HAPLN1: variants seen among roughly 807,000 people sequenced by gnomAD.
The protein encoded by HAPLN1 is hyaluronan and proteoglycan link protein 1, also known as Cartilage link protein.
Under a neutral mutation model 36.5 loss-of-function variants are expected in HAPLN1, and 13 were observed. The ratio of observed to expected loss-of-function variants is 0.36; its 90% confidence interval spans 0.23 to 0.57. The LOEUF (loss-of-function observed/expected upper bound fraction) is 0.57, where lower values mean the gene tolerates loss of function less well. Among genes scored for constraint, HAPLN1 ranks in the 20% least tolerant of loss-of-function variants. HAPLN1 has a pLI of 0.83. For synonymous variants in HAPLN1, 202 were observed against 169.8 expected, an observed-to-expected ratio of 1.19 and a Z score of -1.48; for missense variants, 407 against 439.7, an observed-to-expected ratio of 0.93 and a Z score of 0.66.
intron 1 of HAPLN1, among the ~76,000 whole-genome samples, chr5:83,713,395 G>C (rs1310902076): frequency 2.6e-5 from 4 of 152,154 alleles, no homozygotes; most frequent in Admixed American, 2.6e-4. Flanking sequence ...GATATTTATA[G>C]TTAATAAAAT....
chr5:83,669,328 G>A (rs575510024), intron 2 of HAPLN1, among the ~76,000 whole-genome samples: 9 of 152,064 alleles, frequency 5.9e-5, no homozygotes, highest in African/African-American at 1.4e-4. Context: ...GCAAAACCCC[G>A]CTGCTACTAA....
intron 1 of HAPLN1, among the ~76,000 whole-genome samples, chr5:83,693,915 A>G (rs1751334825): frequency 6.6e-6 from 1 of 151,936 alleles, no homozygotes; most frequent in African/African-American, 2.4e-5. Flanking sequence ...ATCAGAAAAT[A>G]TATAGAAGAC....
chr5:83,688,642 CTTTTTTTTTTTTTTTTTTT>C (rs539790396), intron 1 of HAPLN1, among the ~76,000 whole-genome samples: 1 of 80,560 alleles, frequency 1.2e-5, no homozygotes, highest in Non-Finnish European at 2.3e-5. Context: ...GCTTTTGATT[CTTTTTTTTTTTTTTTTTTT>C]TTTTTTTTTT....
intron 2 of HAPLN1, among the ~76,000 whole-genome samples, chr5:83,673,183 G>A (rs1227278621): frequency 2.0e-5 from 3 of 152,070 alleles, no homozygotes; most frequent in Admixed American, 1.3e-4. Context: ...AGCCTTGAAC[G>A]ATTATACCAA....
intron 2 of HAPLN1, among the ~76,000 whole-genome samples, chr5:83,668,062 A>G (rs562087731): frequency 6.6e-6 from 1 of 152,308 alleles, no homozygotes; most frequent in South Asian, 2.1e-4. Context: ...AGAAAAAACA[A>G]CTGGATTTTG....
At chr5:83,660,629 T>C (rs1186995393) in intron 2 of HAPLN1, among the ~76,000 whole-genome samples, 1 of 151,956 alleles carries the variant, frequency 6.6e-6, no homozygotes, top group Non-Finnish European at 1.5e-5. Context: ...CTTTTTTTTC[T>C]AGCAGGAAGA....
In HAPLN1 at chr5:83,698,825, G is replaced by A. The variant is rs191520809; in HGVS notation, c.-27+21964C>T. On this transcript the variant is annotated intron_variant, in intron 1 of 4. Transcript: ENST00000274341. Reference sequence around the variant, plus strand: ...AAATTCAGGCCTACTTGACCCCATAGTATAATCTCTAAAATAAGTGAAATG... The same window carrying A: ...AAATTCAGGCCTACTTGACCCCATAATATAATCTCTAAAATAAGTGAAATG... Among the ~76,000 whole-genome samples the A allele has an allele frequency of 7.9e-5, 12 of 152,284 alleles. No individual in the cohort carries two copies. In the East Asian group the frequency reaches 2.3e-3, roughly 29 times the overall value.
intron 3 of HAPLN1, chr5:83,652,233 T>G (rs1444137728): frequency 4.4e-6 from 2 of 455,886 alleles, no homozygotes; most frequent in Non-Finnish European, 7.8e-6. Flanking sequence ...TTCTCCTAGT[T>G]ACAAATAGCT....
chr5:83,661,435 C>CTTTTTTTT lies in HAPLN1; in HGVS notation c.101-8619_101-8612dup, dbSNP rs56005008. On this transcript the variant is annotated intron_variant, in intron 2 of 4. Coordinates refer to ENST00000274341, the MANE Select transcript of HAPLN1 (RefSeq NM_001884.4). ...CAATGGTGGTCTGTGAGAAAAGCTT[C>CTTTTTTTT]TTTTTTTTTTTTTTTTTTTTTTTTT... Among the ~76,000 whole-genome samples, 30 of 62,976 alleles carry CTTTTTTTT rather than the reference C, an allele frequency of 4.8e-4. 4 individuals carry two copies. Among genetic ancestry groups the CTTTTTTTT allele is most frequent in the African/African-American group, 1.3e-3 (20 of 14,850 alleles). 41.3% of individuals were successfully genotyped at this position (62,976 alleles called of 152,430 possible).
chr5:83,648,914 C>T (rs1198728439), intron 3 of HAPLN1, among the ~76,000 whole-genome samples: 1 of 152,162 alleles, frequency 6.6e-6, no homozygotes, highest in African/African-American at 2.4e-5. Flanking sequence ...GAGTTTCTAT[C>T]CCAGAATACA....
chr5:83,660,725 C>G (rs1171837358), intron 2 of HAPLN1, among the ~76,000 whole-genome samples: 1 of 151,928 alleles, frequency 6.6e-6, no homozygotes, highest in Non-Finnish European at 1.5e-5. Context: ...TATTTCATTT[C>G]TTTTCTCAGC....
At chr5:83,716,480 G>T (rs899601003) in intron 1 of HAPLN1, among the ~76,000 whole-genome samples, 1 of 152,136 alleles carries the variant, frequency 6.6e-6, no homozygotes, top group Non-Finnish European at 1.5e-5. Flanking sequence ...ACAATCAGTG[G>T]AGTCTCAAAA....
At chr5:83,683,928 C>T (rs1751060953) in intron 1 of HAPLN1, among the ~76,000 whole-genome samples, 3 of 152,154 alleles carry the variant, frequency 2.0e-5, no homozygotes, top group African/African-American at 4.8e-5. Context: ...AACAGGGCCC[C>T]TACTGCTGAG....
chr5:83,662,879 C>T (rs999968378), intron 2 of HAPLN1, among the ~76,000 whole-genome samples: 1 of 152,226 alleles, frequency 6.6e-6, no homozygotes, highest in Non-Finnish European at 1.5e-5. Flanking sequence ...AATGTCTTCA[C>T]TTAGTAAAGA....
rs1356000206 is a variant in HAPLN1, at chr5:83,639,566, T to TTGAGG, written c.*1925_*1929dup. On this transcript the variant is annotated 3_prime_UTR_variant, in exon 5 of 5. Coordinates refer to ENST00000274341, the MANE Select transcript of HAPLN1 (RefSeq NM_001884.4). ...TCTTTCAATGAGCTAGCCCCCATATTTGAGGTGTTAAAGTTGTTATTTGGG... is the reference window on the plus strand; with the variant it reads ...TCTTTCAATGAGCTAGCCCCCATATTTGAGGTGAGGTGTTAAAGTTGTTATTTGGG... 3 of 152,090 alleles carry TTGAGG rather than the reference T, an allele frequency of 2.0e-5. No individual in the cohort carries two copies. Among genetic ancestry groups the TTGAGG allele is most frequent in the Non-Finnish European group, 4.4e-5 (3 of 67,938 alleles). The allele number at this position is 152,090 out of a possible 1,614,324, so 9.4% of individuals were successfully genotyped here.
chr5:83,666,365 T>C (rs1420600301), intron 2 of HAPLN1, among the ~76,000 whole-genome samples: 1 of 152,184 alleles, frequency 6.6e-6, no homozygotes, highest in African/African-American at 2.4e-5. Context: ...GGCGTCACTA[T>C]TTAATAGGAT....
chr5:83,661,209 T>TATC (rs1021750737), intron 2 of HAPLN1, among the ~76,000 whole-genome samples: 36 of 145,536 alleles, frequency 2.5e-4, no homozygotes, highest in African/African-American at 8.1e-4. Flanking sequence ...TCTATATCTA[T>TATC]ATCTATATCT....
At chr5:83,661,967 T>C (rs1412795877) in intron 2 of HAPLN1, among the ~76,000 whole-genome samples, 1 of 152,206 alleles carries the variant, frequency 6.6e-6, no homozygotes, top group Non-Finnish European at 1.5e-5. Flanking sequence ...CCTCAGCACC[T>C]AACAACCATG....
chr5:83,686,142 CAAAAAAAAAAAA>C (rs535353958), intron 1 of HAPLN1: 5 of 81,644 alleles, frequency 6.1e-5, no homozygotes, highest in East Asian at 4.1e-4. Flanking sequence ...AAAATGTAGC[CAAAAAAAAAAAA>C]AAAAAAAAAA....
Sources: gnomAD v4.1 joint callset for allele counts (sites outside exome capture counted in the v4.1 genomes callset) on GRCh38, gnomAD v4.1.1 for gene constraint, MANE v1.5 for transcripts, NCBI Gene and HGNC (gene_info 2026-07-23, HGNC 2026-07-21) for gene names.